WDR41: variants seen among roughly 807,000 people sequenced by gnomAD.
The protein encoded by WDR41 is WD repeat domain 41, also known as WD repeat-containing protein 41.
WDR41 carries 63 observed loss-of-function variants against 69.3 expected under a neutral mutation model. The observed-to-expected ratio is 0.91, with a 90% CI of 0.74 to 1.12. The LOEUF (loss-of-function observed/expected upper bound fraction) is 1.12. WDR41 is among the 50% of genes most tolerant of loss of function. The pLI is 0.00. For synonymous variants in WDR41, 185 were observed against 192.1 expected (o/e 0.96, Z 0.31); for missense variants, 543 against 534.5 (o/e 1.02, Z -0.16).
intron 2 of WDR41, among the ~76,000 whole-genome samples, chr5:77,488,193 AG>A (rs979935851): frequency 6.6e-6 from 1 of 152,216 alleles, no homozygotes; most frequent in Non-Finnish European, 1.5e-5. Context: ...TAGTGTCTCC[AG>A]TGAGGGGTGC....
intron 1 of WDR41, among the ~76,000 whole-genome samples, chr5:77,527,041 A>T (rs1328976937): frequency 1.3e-5 from 2 of 152,030 alleles, no homozygotes; most frequent in Non-Finnish European, 2.9e-5. Context: ...CTTATGACAT[A>T]CCTAGAAAAT....
intron 1 of WDR41, among the ~76,000 whole-genome samples, chr5:77,546,495 T>C (rs1183545766): frequency 1.3e-5 from 2 of 152,104 alleles, no homozygotes; most frequent in Admixed American, 1.3e-4. Context: ...TGAACACCTT[T>C]ACACACATAA....
At chr5:77,448,050 C>T (rs922433432) in intron 8 of WDR41, among the ~76,000 whole-genome samples, 2 of 152,158 alleles carry the variant, frequency 1.3e-5, no homozygotes, top group South Asian at 4.1e-4. Flanking sequence ...CTGCATATCA[C>T]ATGGTAAAAG....
chr5:77,619,073 C>T (rs1251026125), intron 1 of WDR41, among the ~76,000 whole-genome samples: 1 of 152,186 alleles, frequency 6.6e-6, no homozygotes, highest in African/African-American at 2.4e-5. Context: ...CAAAATAGAA[C>T]TCAAAGTTCA....
At chr5:77,605,427 T>A (rs2112330582) in intron 1 of WDR41, among the ~76,000 whole-genome samples, 1 of 152,376 alleles carries the variant, frequency 6.6e-6, no homozygotes, top group Non-Finnish European at 1.5e-5. Context: ...TGTTTCCCTC[T>A]GGGAGTGGTG....
intron 1 of WDR41, among the ~76,000 whole-genome samples, chr5:77,619,647 G>T (rs1026404693): frequency 6.6e-6 from 1 of 152,164 alleles, no homozygotes. Context: ...CCATAGGGAA[G>T]GAAGAAGAAA....
At chr5:77,556,651 T>C (rs777704292) in intron 1 of WDR41, among the ~76,000 whole-genome samples, 1 of 152,114 alleles carries the variant, frequency 6.6e-6, no homozygotes, top group Non-Finnish European at 1.5e-5. Context: ...AAAAGTGAAA[T>C]TGGGTCTTAT....
At chr5:77,436,228 T>G in intron 12 of WDR41, 33 bp downstream of exon 12, 1 of 1,579,370 alleles carries the variant, frequency 6.3e-7, no homozygotes, top group Non-Finnish European at 8.6e-7. Flanking sequence ...AAAGCAGGAG[T>G]TGCTTGGACA....
intron 1 of WDR41, among the ~76,000 whole-genome samples, chr5:77,500,821 A>G (rs1372890412): frequency 1.3e-5 from 2 of 152,240 alleles, no homozygotes; most frequent in Admixed American, 1.3e-4. Flanking sequence ...GCTGTGAGAC[A>G]TTACATTAAA....
intron 2 of WDR41, among the ~76,000 whole-genome samples, chr5:77,473,535 A>G (rs1800735249): frequency 6.6e-6 from 1 of 152,242 alleles, no homozygotes; most frequent in South Asian, 2.1e-4. Flanking sequence ...AAATTTTTGT[A>G]ATCTACTCAT....
upstream of WDR41, among the ~76,000 whole-genome samples, chr5:77,494,841 A>G (rs1801914698): frequency 6.6e-6 from 1 of 152,198 alleles, no homozygotes; most frequent in Admixed American, 6.5e-5. Context: ...CAACAACATC[A>G]GCATAAACAT....
chr5:77,471,301 C>G (rs1435977196), intron 2 of WDR41, among the ~76,000 whole-genome samples: 3 of 152,136 alleles, frequency 2.0e-5, no homozygotes, highest in African/African-American at 7.2e-5. Context: ...ATTTATAGCA[C>G]TAAATGCCCA....
chr5:77,482,917 C>A (rs1292683230), intron 2 of WDR41, among the ~76,000 whole-genome samples: 1 of 151,510 alleles, frequency 6.6e-6, no homozygotes, highest in Non-Finnish European at 1.5e-5. Flanking sequence ...GAACCTCCAC[C>A]CCCACTCCCA....
intron 1 of WDR41, among the ~76,000 whole-genome samples, chr5:77,538,666 A>G (rs1299446170): frequency 1.3e-5 from 2 of 152,174 alleles, no homozygotes; most frequent in African/African-American, 4.8e-5. Flanking sequence ...TAAGATTCCA[A>G]AAAGACAGGA....
intron 1 of WDR41, among the ~76,000 whole-genome samples, chr5:77,579,758 C>T (rs1168509232): frequency 6.6e-6 from 1 of 152,140 alleles, no homozygotes; most frequent in African/African-American, 2.4e-5. Flanking sequence ...ATTATGTAAT[C>T]AGAAAAGAAG....
chr5:77,584,042 T>A (rs1215084962), intron 1 of WDR41, among the ~76,000 whole-genome samples: 4 of 152,160 alleles, frequency 2.6e-5, no homozygotes, highest in Admixed American at 2.6e-4. Context: ...TCCAACACCC[T>A]TTTATGATAA....
At chr5:77,496,658 GACA>G (rs1354377353), upstream of WDR41, among the ~76,000 whole-genome samples, 2 of 152,012 alleles carry the variant, frequency 1.3e-5, no homozygotes, top group East Asian at 3.8e-4. Flanking sequence ...TGGATAGAAA[GACA>G]ACATTGTTAA....
chr5:77,606,545 G>A (rs1318593755), intron 1 of WDR41, among the ~76,000 whole-genome samples: 2 of 152,154 alleles, frequency 1.3e-5, no homozygotes, highest in South Asian at 4.1e-4. Flanking sequence ...TGTGGTGGCT[G>A]TAATCCCAGC....
rs532464101 is a variant in WDR41, at chr5:77,492,095, A to C, written c.51+75T>G. On this transcript the variant is annotated intron_variant, in intron 1 of 12. Transcript: ENST00000296679. ...GCCCGGGTCCCCGCGGTCGGAACCC[A>C]GGAAGGCCGAACCGGAACGAAGCCG... The C allele has an allele frequency of 3.8e-5, 59 of 1,563,794 alleles. No homozygotes were observed. In the African/African-American group the frequency reaches 7.0e-4, roughly 19 times the overall value.
Sources: allele counts gnomAD v4.1 joint callset (sites outside exome capture counted in the v4.1 genomes callset), GRCh38; gene constraint gnomAD v4.1.1; transcripts MANE v1.5; gene names NCBI Gene and HGNC (gene_info 2026-07-23, HGNC 2026-07-21).